ANGEL2: variants seen among roughly 807,000 people sequenced by gnomAD.
The protein encoded by ANGEL2 is RNA 2',3'-cyclic phosphatase ANGEL2.
ANGEL2 carries 41 observed loss-of-function variants against 66.0 expected under a neutral mutation model. That is an observed-to-expected ratio of 0.62 (90% confidence interval 0.48 to 0.81). The LOEUF is 0.81. Ranked by LOEUF, ANGEL2 falls within the 30% of genes least tolerant of loss-of-function variation. The pLI, the probability that ANGEL2 is intolerant of heterozygous loss-of-function variation, is 0.00. For synonymous variants in ANGEL2, 208 were observed against 226.5 expected (o/e 0.92, Z 0.73); for missense variants, 561 against 641.6 (o/e 0.87, Z 1.36).
In ANGEL2 at chr1:213,000,791, T is replaced by A; in HGVS notation, c.1256A>T (p.Lys419Met). The stretch of plus-strand genomic sequence containing the variant: ...AATGTATTACAAACACTTACCTGTC[T>A]TTTCTACTTTTGGTACCTGCTGTAC... ...YEVQQVPKVE[K>M]TDSDLTQTQL... Residue 419 changes from lysine to methionine, a missense_variant, in exon 6 of 9, where the codon AAG becomes ATG. Lys to Met is a moderately conservative substitution (Grantham distance 95). Transcript: ENST00000366962. 1 of 1,605,556 alleles carries A rather than the reference T, an allele frequency of 6.2e-7. No individual in the cohort carries two copies. Among genetic ancestry groups the A allele is most frequent in the Non-Finnish European group, 8.5e-7 (1 of 1,178,666 alleles).
At chr1:213,013,039 AATT>A (rs973146211) in intron 2 of ANGEL2, 51 bp downstream of exon 2, 1 of 1,536,162 alleles carries the variant, frequency 6.5e-7, no homozygotes, top group African/African-American at 1.4e-5. Flanking sequence ...TGAAAGTTTC[AATT>A]TAGTCTATCA....
At chr1:213,011,386 T>C in intron 2 of ANGEL2, 2 of 1,154,424 alleles carry the variant, frequency 1.7e-6, no homozygotes, top group East Asian at 1.3e-4. Context: ...GTTTTCTTGA[T>C]TGAAAAGTAT....
chr1:213,007,253 C>A, intron 3 of ANGEL2, 55 bp from the exon 4 acceptor site: 2 of 1,325,104 alleles, frequency 1.5e-6, no homozygotes, highest in South Asian at 3.1e-5. Context: ...CATGAATTTC[C>A]TGGTGCTTTT....
chr1:213,010,257 A>G (rs145899297), intron 2 of ANGEL2, among the ~76,000 whole-genome samples: 135 of 151,958 alleles, frequency 8.9e-4, no homozygotes, highest in East Asian at 5.5e-3. Context: ...TCAGATTTAT[A>G]ACAAAATTTC....
Position 213,013,315 on chromosome 1 carries a change from T to C in ANGEL2, c.163A>G (p.Met55Val). The change falls in exon 2 of 9, where the codon ATG becomes GTG. Residue 55 changes from methionine to valine, a missense_variant. Transcript: ENST00000366962. ...CCWNRHISSC[M>V]RWPGHYSRAP... ...CGAGAGTAATGTCCAGGCCACCTCA[T>C]ACAACTAGAAATATGTCTGTTCCAG... 6.2e-7 allele frequency: 1 copy of C among 1,614,204 alleles called. No individual in the cohort carries two copies. Among genetic ancestry groups the C allele is most frequent in the Non-Finnish European group, 8.5e-7 (1 of 1,180,026 alleles).
chr1:212,998,005 A>C (rs532548642), intron 7 of ANGEL2, among the ~76,000 whole-genome samples: 9 of 152,312 alleles, frequency 5.9e-5, no homozygotes, highest in African/African-American at 2.2e-4. Flanking sequence ...CTTGCTTTTA[A>C]AGTGTTCATA....
At chr1:213,011,323 T>A in intron 2 of ANGEL2, 1 of 1,257,310 alleles carries the variant, frequency 8.0e-7, no homozygotes, top group Non-Finnish European at 1.0e-6. Flanking sequence ...CATAATTGTA[T>A]CACACAAATC....
Position 213,015,757 on chromosome 1 carries a change from G to A in ANGEL2, c.-86C>T, listed in dbSNP as rs2076630549. ...GATGCGACGGCCTAAAGTATCTAGGGAACCCCATCACTCTTAAGTACCGAC... is the reference window on the plus strand; with the variant it reads ...GATGCGACGGCCTAAAGTATCTAGGAAACCCCATCACTCTTAAGTACCGAC... On this transcript the variant is annotated 5_prime_UTR_variant, in exon 1 of 9. Transcript: ENST00000366962. 18 of 1,582,214 alleles carry A rather than the reference G, an allele frequency of 1.1e-5. No individual in the cohort carries two copies. The South Asian group carries it at 2.0e-4, about 18-fold the overall frequency.
At chr1:212,997,419 A>C (rs1451843097) in intron 7 of ANGEL2, 101 bp from the exon 8 acceptor site, 2 of 982,166 alleles carry the variant, frequency 2.0e-6, no homozygotes, top group Non-Finnish European at 3.0e-6. Flanking sequence ...ACTAAGACCA[A>C]ACATTAGGAC....
At position 212,993,076 on chromosome 1, in the gene ANGEL2, G is replaced by A. The variant is rs1430740217; in HGVS notation, c.*1965C>T. The stretch of plus-strand genomic sequence containing the variant: ...AATCACAGCACTTTGGGAGCCCGAG[G>A]CGGGTGGATCACCCCTGAGGTCAGG... On this transcript the variant is annotated 3_prime_UTR_variant, in exon 9 of 9. Transcript: ENST00000366962. 6.6e-6 allele frequency: 1 copy of A among 152,152 alleles called. No individual in the cohort carries two copies. 9.4% of individuals were successfully genotyped at this position (152,152 alleles called of 1,614,324 possible). A position where few individuals can be genotyped will look rare whatever the true frequency, so the allele number is the denominator to read the frequency against.
intron 8 of ANGEL2, among the ~76,000 whole-genome samples, chr1:212,996,252 A>C (rs1041587931): frequency 6.6e-6 from 1 of 152,124 alleles, no homozygotes; most frequent in Non-Finnish European, 1.5e-5. Flanking sequence ...GCTTGCAGTG[A>C]GCTGAGATAG....
At chr1:213,008,174 C>A in intron 3 of ANGEL2, 36 bp downstream of exon 3, 1 of 1,595,288 alleles carries the variant, frequency 6.3e-7, no homozygotes, top group African/African-American at 1.3e-5. Flanking sequence ...CCAACTTTTT[C>A]TTATGTGAAG....
chr1:212,995,149 TCTAG>T lies in ANGEL2; in HGVS notation c.1523_1526del (p.Ala508AspfsTer40), dbSNP rs1237522897. On this transcript the variant is annotated frameshift_variant, in exon 9 of 9. Coordinates refer to ENST00000366962, the MANE Select transcript of ANGEL2 (RefSeq NM_144567.5). LOFTEE classifies it high-confidence loss of function. ...AGTCTTGTTCTGTAAGAAGTGACAG[TCTAG>T]CTAGAAGTTTCAAGCCACCAACCAA... 1 of 1,610,656 alleles carries T rather than the reference TCTAG, an allele frequency of 6.2e-7. No individual in the cohort carries two copies. The highest frequency in any genetic ancestry group is 8.5e-7 in the Non-Finnish European group (1 of 1,178,166).
chr1:213,013,601 C>T (rs779359198), intron 1 of ANGEL2, among the ~76,000 whole-genome samples, 183 bp from the exon 2 acceptor site: 1 of 152,114 alleles, frequency 6.6e-6, no homozygotes, highest in Non-Finnish European at 1.5e-5. Context: ...TCAATACTCT[C>T]GTCCTAAAAA....
At position 213,015,707 on chromosome 1, in the gene ANGEL2, G is replaced by A. The variant is rs779218611; in HGVS notation, c.-36C>T. ...CGCGTGCGTCCAGTTCCCAGGCCCC[G>A]GGTTCCACCTCAATCTCTATAATCG... On this transcript the variant is annotated 5_prime_UTR_variant, in exon 1 of 9. Transcript: ENST00000366962. The A allele has an allele frequency of 1.9e-6, 3 of 1,613,972 alleles. No individual in the cohort carries two copies. Among genetic ancestry groups the A allele is most frequent in the South Asian group, 2.2e-5 (2 of 91,082 alleles).
At chr1:212,999,860 A>G (rs1197354474) in intron 7 of ANGEL2, among the ~76,000 whole-genome samples, 1 of 152,242 alleles carries the variant, frequency 6.6e-6, no homozygotes, top group Non-Finnish European at 1.5e-5. Flanking sequence ...ATTCTCTTAT[A>G]GATGGTTTTG....
At position 213,008,471 on chromosome 1, in the gene ANGEL2, T is replaced by TAA; in HGVS notation, c.386-7_386-6dup. 5 of 1,610,346 alleles carry TAA rather than the reference T, an allele frequency of 3.1e-6. No homozygotes were observed. The highest frequency in any genetic ancestry group is 4.2e-6 in the Non-Finnish European group (5 of 1,178,192). On this transcript the variant is annotated splice_polypyrimidine_tract_variant and splice_region_variant and intron_variant, in intron 2 of 8. Coordinates refer to ENST00000366962, the MANE Select transcript of ANGEL2 (RefSeq NM_144567.5). ...CCCAATTCCGCTTTATCACACCTGT[T>TAA]AAAATATATTGCACAAATATAAGGA...
chr1:213,010,567 G>A (rs1358626016), intron 2 of ANGEL2, among the ~76,000 whole-genome samples: 2 of 114,914 alleles, frequency 1.7e-5, no homozygotes, highest in East Asian at 2.7e-4. Flanking sequence ...GTGAGCCTTC[G>A]TCTCAAAAAA....
rs1014375179 is a variant in ANGEL2 at position 212,998,688 on chromosome 1, A to AT, written c.1320-1371dup. 9.6e-3 allele frequency among the ~76,000 whole-genome samples: 1,367 copies of AT among 142,048 alleles called. 21 individuals are homozygous for AT. Among genetic ancestry groups the AT allele is most frequent in the African/African-American group, 0.032 (1,224 of 38,840 alleles). The allele number at this position is 142,048 out of a possible 152,430, so 93.2% of individuals were successfully genotyped here. A position where few individuals can be genotyped will look rare whatever the true frequency, so the allele number is the denominator to read the frequency against. ...AGGCGCCCACCACCACACCTAGCTA[A>AT]TTTTTTTTTTTGTATCTTTAGTAGA... On this transcript the variant is annotated intron_variant, in intron 7 of 8. Coordinates refer to ENST00000366962, the MANE Select transcript of ANGEL2 (RefSeq NM_144567.5).
Sources: allele counts gnomAD v4.1 joint callset (sites outside exome capture counted in the v4.1 genomes callset), GRCh38; gene constraint gnomAD v4.1.1; transcripts MANE v1.5; gene names NCBI Gene and HGNC (gene_info 2026-07-23, HGNC 2026-07-21).